GPR180: variants seen among roughly 807,000 people sequenced by gnomAD.
GPR180 encodes G protein-coupled receptor 180.
GPR180 carries 53 observed loss-of-function variants against 52.6 expected under a neutral mutation model. The ratio of observed to expected loss-of-function variants is 1.01; its 90% CI spans 0.81 to 1.27. The LOEUF is 1.27. Among genes scored for constraint, GPR180 ranks in the 50% most tolerant of loss-of-function variants. The probability of loss-of-function intolerance (pLI) is 0.00; values close to 1 mark genes in which losing one functional copy is unlikely to be tolerated. For synonymous variants in GPR180, 200 were observed against 193.1 expected (o/e 1.04, Z -0.30); for missense variants, 533 against 527.0 (o/e 1.01, Z -0.11).
Position 94,628,008 on chromosome 13 carries a change from A to T in GPR180, c.*837A>T, listed in dbSNP as rs1357026607. 1 of 152,486 alleles carries T rather than the reference A, an allele frequency of 6.6e-6. No individual in the cohort carries two copies. The highest frequency in any genetic ancestry group is 1.5e-5 in the Non-Finnish European group (1 of 67,914). The allele number at this position is 152,486 out of a possible 1,614,324, so 9.4% of individuals were successfully genotyped here. A position where few individuals can be genotyped will look rare whatever the true frequency, so the allele number is the denominator to read the frequency against. On this transcript the variant is annotated 3_prime_UTR_variant, in exon 9 of 9. Transcript: ENST00000376958. ...TCTCTTACGTTGAATCCCCAATCAT[A>T]ATTAAGCCGTATACACAGATTAAAT...
At chr13:94,618,094 C>A (rs917347104) in intron 3 of GPR180, among the ~76,000 whole-genome samples, 13 of 152,192 alleles carry the variant, frequency 8.5e-5, no homozygotes, top group African/African-American at 2.4e-4. Flanking sequence ...TGACTGGTTC[C>A]ATTTTTAATA....
At chr13:94,626,808 A>C (rs2138571399) in intron 8 of GPR180, among the ~76,000 whole-genome samples, 1 of 152,304 alleles carries the variant, frequency 6.6e-6, no homozygotes, top group East Asian at 1.9e-4. Flanking sequence ...TCATCTACAA[A>C]ATAACTGTTA....
intron 3 of GPR180, among the ~76,000 whole-genome samples, chr13:94,612,755 T>G (rs140274292): frequency 3.4e-4 from 52 of 152,352 alleles, no homozygotes; most frequent in African/African-American, 1.2e-3. Context: ...CATTTTTGTT[T>G]TTATGATAAC....
At chr13:94,618,419 G>GTTTTTTTTTTTTTTTTTTTTTTT (rs1566980109) in intron 3 of GPR180, among the ~76,000 whole-genome samples, 1 of 72,978 alleles carries the variant, frequency 1.4e-5, no homozygotes, top group African/African-American at 1.2e-4. Flanking sequence ...ATCAGCACAG[G>GTTTTTTTTTTTTTTTTTTTTTTT]ATTTTTTTTT....
Position 94,627,316 on chromosome 13 carries a change from A to G in GPR180, c.*145A>G, listed in dbSNP as rs1889941542. ...GTTATTTATATAACTGCATTTAAGCAGTACCAAGACTGAAAAAAAAGGTAA... is the reference window on the plus strand; with the variant it reads ...GTTATTTATATAACTGCATTTAAGCGGTACCAAGACTGAAAAAAAAGGTAA... On this transcript the variant is annotated 3_prime_UTR_variant, in exon 9 of 9. Transcript: ENST00000376958. 2 of 642,008 alleles carry G rather than the reference A, an allele frequency of 3.1e-6. No homozygotes were observed. Among genetic ancestry groups the G allele is most frequent in the East Asian group, 2.9e-5 (1 of 34,616 alleles). 39.8% of individuals were successfully genotyped at this position (642,008 alleles called of 1,614,324 possible).
At chr13:94,611,328 G>A (rs1221735096) in intron 2 of GPR180, among the ~76,000 whole-genome samples, 2 of 152,080 alleles carry the variant, frequency 1.3e-5, no homozygotes, top group Non-Finnish European at 2.9e-5. Context: ...TAGATATAAT[G>A]ATTTTGTAAG....
chr13:94,627,016 AT>A lies in GPR180; in HGVS notation c.1170del (p.Thr391GlnfsTer2). On this transcript the variant is annotated frameshift_variant, in exon 9 of 9. Transcript: ENST00000376958. LOFTEE classifies it high-confidence loss of function. The stretch of plus-strand genomic sequence containing the variant: ...ATTCCTTTCCTTTTCTTTTCAGGTT[AT>A]TACAATAGGTGTTATCCTTTGCCAG... ...IFSDYQRDKV[I>X]TIGVILCQSV... 6.3e-7 allele frequency: 1 copy of A among 1,586,804 alleles called. No individual in the cohort carries two copies. The highest frequency in any genetic ancestry group is 1.2e-5 in the South Asian group (1 of 85,852).
chr13:94,610,919 T>A (rs1179763557), intron 2 of GPR180, among the ~76,000 whole-genome samples: 1 of 152,174 alleles, frequency 6.6e-6, no homozygotes, highest in Admixed American at 6.5e-5. Flanking sequence ...CTTACTAATA[T>A]AACTACCTTG....
Position 94,607,890 on chromosome 13 carries a change from A to G in GPR180, c.304+2341A>G, listed in dbSNP as rs1889655249. Among the ~76,000 whole-genome samples, 4 of 152,218 alleles carry G rather than the reference A, an allele frequency of 2.6e-5. No individual in the cohort carries two copies. In the South Asian group the frequency reaches 8.3e-4, roughly 32 times the overall value. ...TTAAGTTTTTACTAAGTATTTGTAG[A>G]ATGAATAGTCGTAGACCTTCATGCT... On this transcript the variant is annotated intron_variant, in intron 2 of 8. Coordinates refer to ENST00000376958, the MANE Select transcript of GPR180 (RefSeq NM_180989.6).
Position 94,625,860 on chromosome 13 carries a change from G to T in GPR180, c.1087-106G>T. On this transcript the variant is annotated intron_variant, in intron 7 of 8. Transcript: ENST00000376958. ...ATTGCAGGCTGTACTCTAAAGGCCT[G>T]TTGAGGTTAATCAGAACCTAAAAAT... is the stretch of plus-strand genomic sequence containing the variant. 4 of 653,330 alleles carry T rather than the reference G, an allele frequency of 6.1e-6. No individual in the cohort carries two copies. The East Asian group carries it at 8.3e-5, about 14-fold the overall frequency. 40.5% of individuals were successfully genotyped at this position (653,330 alleles called of 1,614,324 possible). A position where few individuals can be genotyped will look rare whatever the true frequency, so the allele number is the denominator to read the frequency against.
intron 1 of GPR180, among the ~76,000 whole-genome samples, chr13:94,602,590 G>A (rs1889574425): frequency 6.6e-6 from 1 of 150,778 alleles, no homozygotes; most frequent in Non-Finnish European, 1.5e-5. Flanking sequence ...ATATTGAGCA[G>A]TTTGGTTACT....
At chr13:94,602,146 C>T in intron 1 of GPR180, 74 bp downstream of exon 1, 1 of 1,220,730 alleles carries the variant, frequency 8.2e-7, no homozygotes, top group South Asian at 3.0e-5. Flanking sequence ...GGCCGCTCCT[C>T]CCGGCCCCTC....
At chr13:94,610,013 C>G (rs1446819774) in intron 2 of GPR180, among the ~76,000 whole-genome samples, 2 of 152,154 alleles carry the variant, frequency 1.3e-5, no homozygotes, top group African/African-American at 2.4e-5. Context: ...TATAGTACAA[C>G]CAGCATCCAT....
At chr13:94,618,912 T>A (rs1889815429) in intron 3 of GPR180, among the ~76,000 whole-genome samples, 1 of 152,210 alleles carries the variant, frequency 6.6e-6, no homozygotes, top group African/African-American at 2.4e-5. Flanking sequence ...ACCATTATGC[T>A]TTCTTACAGA....
intron 7 of GPR180, among the ~76,000 whole-genome samples, chr13:94,623,683 C>CACA (rs1184379185): frequency 1.4e-5 from 1 of 73,480 alleles, no homozygotes; most frequent in Non-Finnish European, 2.8e-5. Context: ...TTCTTTTTTT[C>CACA]AAAAAAAAAA....
At chr13:94,623,889 C>A (rs945338930) in intron 7 of GPR180, among the ~76,000 whole-genome samples, 2 of 152,042 alleles carry the variant, frequency 1.3e-5, no homozygotes, top group Non-Finnish European at 2.9e-5. Flanking sequence ...ACATTTTTTT[C>A]TGTAATACCA....
intron 1 of GPR180, among the ~76,000 whole-genome samples, chr13:94,603,060 A>G (rs1889580718): frequency 6.7e-6 from 1 of 148,978 alleles, no homozygotes; most frequent in African/African-American, 2.5e-5. Flanking sequence ...CAGAATTGAC[A>G]GAATAAAGGG....
Position 94,632,805 on chromosome 13 carries a change from T to C in GPR180, c.*5634T>C, listed in dbSNP as rs1309170195. 2 of 152,202 alleles carry C rather than the reference T, an allele frequency of 1.3e-5. No individual in the cohort carries two copies. The highest frequency in any genetic ancestry group is 4.8e-5 in the African/African-American group (2 of 41,448). 9.4% of individuals were successfully genotyped at this position (152,202 alleles called of 1,614,324 possible). On this transcript the variant is annotated 3_prime_UTR_variant, in exon 9 of 9. Transcript: ENST00000376958. Reference sequence around the variant, plus strand: ...GGTTGGAGTTTTGAGTCATATGATATTAGCCCAACCTCTGAGGTGGAGAGA... The same window carrying C: ...GGTTGGAGTTTTGAGTCATATGATACTAGCCCAACCTCTGAGGTGGAGAGA...
At chr13:94,615,510 A>C (rs2139568649) in intron 3 of GPR180, among the ~76,000 whole-genome samples, 1 of 152,352 alleles carries the variant, frequency 6.6e-6, no homozygotes, top group South Asian at 2.1e-4. Flanking sequence ...GACTTTGGTT[A>C]ATCCTCTATT....
Sources: gnomAD v4.1 joint callset for allele counts (sites outside exome capture counted in the v4.1 genomes callset) on GRCh38, gnomAD v4.1.1 for gene constraint, MANE v1.5 for transcripts, NCBI Gene and HGNC (gene_info 2026-07-23, HGNC 2026-07-21) for gene names.